The following CPNE4 variants were observed in gnomAD, a reference collection of about 807,000 sequenced individuals.
CPNE4 encodes copine-4.
In CPNE4, 25 loss-of-function variants were observed where a neutral mutation model predicts 67.9. The ratio of observed to expected loss-of-function variants is 0.37; its 90% CI spans 0.27 to 0.51. The LOEUF is 0.51. Ranked by LOEUF, CPNE4 falls within the 20% of genes least tolerant of loss-of-function variation. The pLI, the probability that CPNE4 is intolerant of heterozygous loss-of-function variation, is 0.93. For missense variants in CPNE4, 464 were observed against 690.8 expected (o/e 0.67, Z 3.68); for synonymous variants, 242 against 244.9 (o/e 0.99, Z 0.11).
chr3:131,649,931 T>C (rs2079766278), intron 7 of CPNE4, among the ~76,000 whole-genome samples: 1 of 152,186 alleles, frequency 6.6e-6, no homozygotes, highest in South Asian at 2.1e-4. Flanking sequence ...GAAATCTAGG[T>C]GTCAGGTAGG....
At chr3:131,654,453 G>A (rs778814143) in intron 7 of CPNE4, among the ~76,000 whole-genome samples, 23 of 151,844 alleles carry the variant, frequency 1.5e-4, no homozygotes, top group Non-Finnish European at 1.9e-4. Flanking sequence ...TTGTGTCCAC[G>A]TGTTCTCATC....
chr3:131,604,651 C>T (rs1284059270), intron 7 of CPNE4, among the ~76,000 whole-genome samples: 1 of 152,124 alleles, frequency 6.6e-6, no homozygotes, highest in Non-Finnish European at 1.5e-5. Context: ...CCTCGAACAT[C>T]GGACTCCATG....
chr3:131,952,495 C>T (rs988850850), intron 1 of CPNE4, among the ~76,000 whole-genome samples: 1 of 98,868 alleles, frequency 1.0e-5, no homozygotes, highest in African/African-American at 2.8e-5. Flanking sequence ...CCCCGCCAGG[C>T]CAGCCGCCCC....
At position 131,977,467 on chromosome 3, in the gene CPNE4, T is replaced by A. The variant is rs114433422; in HGVS notation, c.-2+57100A>T. Among the ~76,000 whole-genome samples the A allele has an allele frequency of 6.3e-3, 955 of 152,166 alleles. 12 individuals carry two copies. Among genetic ancestry groups the A allele is most frequent in the African/African-American group, 0.021 (878 of 41,534 alleles). ...ATTAGAGCCTACAACTGAAGTTGCATCCTATGCTTAAAATTCAGTGAATTT... is the reference window on the plus strand; with the variant it reads ...ATTAGAGCCTACAACTGAAGTTGCAACCTATGCTTAAAATTCAGTGAATTT... On this transcript the variant is annotated intron_variant, in intron 1 of 15. Coordinates refer to ENST00000429747, the MANE Select transcript of CPNE4 (RefSeq NM_130808.3).
intron 2 of CPNE4, among the ~76,000 whole-genome samples, chr3:131,792,632 C>CACGTGTATATATGTATATAT (rs2083765940): frequency 1.4e-5 from 1 of 72,402 alleles, no homozygotes; most frequent in Non-Finnish European, 2.6e-5. Flanking sequence ...TATATATATA[C>CACGTGTATATATGTATATAT]ACACGTGTAT....
intron 2 of CPNE4, among the ~76,000 whole-genome samples, chr3:131,887,724 G>A (rs9812349): frequency 0.29 from 43,859 of 152,108 alleles, 7,399 homozygotes; most frequent in Non-Finnish European, 0.37. Context: ...TCAAGCTTCT[G>A]AGAAAACTCC....
At chr3:131,627,193 C>CAAAAAAAAAAAAAAA (rs57977015) in intron 7 of CPNE4, among the ~76,000 whole-genome samples, 3 of 68,382 alleles carry the variant, frequency 4.4e-5, no homozygotes, top group East Asian at 4.2e-4. Context: ...GACTCCATCT[C>CAAAAAAAAAAAAAAA]AAAAAAAAAA....
At chr3:131,597,737 C>T (rs1162454675) in intron 7 of CPNE4, among the ~76,000 whole-genome samples, 2 of 152,162 alleles carry the variant, frequency 1.3e-5, no homozygotes, top group Admixed American at 1.3e-4. Context: ...CTCCTGGCTC[C>T]TTAGTCATAC....
At chr3:131,681,991 A>G (rs987400037) in intron 6 of CPNE4, among the ~76,000 whole-genome samples, 3 of 151,590 alleles carry the variant, frequency 2.0e-5, no homozygotes, top group African/African-American at 7.3e-5. Flanking sequence ...AATTATTTCA[A>G]TCTCTTTGTT....
At chr3:131,611,644 T>C (rs1307100186) in intron 7 of CPNE4, among the ~76,000 whole-genome samples, 1 of 150,558 alleles carries the variant, frequency 6.6e-6, no homozygotes, top group Non-Finnish European at 1.5e-5. Context: ...CCTTTCCTCT[T>C]GATCTAGAAT....
intron 2 of CPNE4, among the ~76,000 whole-genome samples, chr3:131,805,814 A>G (rs930988863): frequency 6.6e-6 from 1 of 152,210 alleles, no homozygotes; most frequent in Non-Finnish European, 1.5e-5. Flanking sequence ...ACTGTGCCCT[A>G]CTGGTTGAGG....
intron 1 of CPNE4, among the ~76,000 whole-genome samples, chr3:132,026,775 A>G (rs560442992): frequency 3.3e-4 from 50 of 152,314 alleles, no homozygotes; most frequent in African/African-American, 1.1e-3. Context: ...TTGGGAAAGT[A>G]GGAAAAAAAC....
chr3:131,544,958 A>G (rs1286212194), intron 14 of CPNE4, among the ~76,000 whole-genome samples: 3 of 152,186 alleles, frequency 2.0e-5, no homozygotes, highest in Non-Finnish European at 2.9e-5. Flanking sequence ...AAACAACCTG[A>G]TAGTCATACT....
chr3:131,666,807 A>T (rs1411801425), intron 7 of CPNE4, among the ~76,000 whole-genome samples: 1 of 151,888 alleles, frequency 6.6e-6, no homozygotes, highest in Non-Finnish European at 1.5e-5. Context: ...AGGGGGAAAA[A>T]AAAGGGGAGC....
Position 131,876,112 on chromosome 3 carries a change from G to C in CPNE4, c.180+29152C>G, listed in dbSNP as rs1245665199. 2.0e-5 allele frequency among the ~76,000 whole-genome samples: 3 copies of C among 151,964 alleles called. 1 individual carries two copies. The highest frequency in any genetic ancestry group is 4.4e-5 in the Non-Finnish European group (3 of 68,010). ...TACAAGGTCAGGTGTGGTGGCACAC[G>C]CCTGTAGTCCCAGCTACTCAGAAGA... On this transcript the variant is annotated intron_variant, in intron 2 of 15. Transcript: ENST00000429747.
Position 131,723,448 on chromosome 3 carries a change from G to A in CPNE4, c.358C>T (p.Gln120Ter). ...FLGGMECTLG[Q>*]IVSQRKLSKS... Reference sequence around the variant, plus strand: ...GGAAGGGATGTCTGTTGACCCACCTGGCCAAGTGTGCACTCCATGCCACCA... The same window carrying A: ...GGAAGGGATGTCTGTTGACCCACCTAGCCAAGTGTGCACTCCATGCCACCA... The change falls in exon 3 of 16, where the codon CAG becomes TAG. Residue 120 changes from glutamine (Q) to a stop codon, truncating the protein, a stop_gained and splice_region_variant. Coordinates refer to ENST00000429747, the MANE Select transcript of CPNE4 (RefSeq NM_130808.3). LOFTEE classifies it high-confidence loss of function. 1 of 1,612,374 alleles carries A rather than the reference G, an allele frequency of 6.2e-7. No individual in the cohort carries two copies. Among genetic ancestry groups the A allele is most frequent in the Non-Finnish European group, 8.5e-7 (1 of 1,179,788 alleles).
At chr3:131,750,819 T>C (rs1354157977) in intron 2 of CPNE4, among the ~76,000 whole-genome samples, 1 of 152,166 alleles carries the variant, frequency 6.6e-6, no homozygotes, top group African/African-American at 2.4e-5. Flanking sequence ...CTCACCATTC[T>C]TTTAGGGTAG....
intron 1 of CPNE4, among the ~76,000 whole-genome samples, chr3:132,001,515 T>TGAGA (rs139256760): frequency 1.6e-5 from 2 of 127,490 alleles, no homozygotes; most frequent in African/African-American, 6.1e-5. Context: ...CTTGTAATTG[T>TGAGA]GAGAGAGAGA....
At chr3:131,873,698 G>A (rs538305966) in intron 2 of CPNE4, among the ~76,000 whole-genome samples, 1 of 152,258 alleles carries the variant, frequency 6.6e-6, no homozygotes, top group East Asian at 1.9e-4. Flanking sequence ...CCCTGCCCCT[G>A]AGAAGTCCAC....
Sources: gnomAD v4.1 joint callset for allele counts (sites outside exome capture counted in the v4.1 genomes callset) on GRCh38, gnomAD v4.1.1 for gene constraint, MANE v1.5 for transcripts, NCBI Gene and HGNC (gene_info 2026-07-23, HGNC 2026-07-21) for gene names.